Variants in SPAG16 observed in about 807,000 individuals in gnomAD.
SPAG16 encodes sperm-associated antigen 16 protein.
In SPAG16, 86 loss-of-function variants were observed where a neutral mutation model predicts 80.4. The observed-to-expected ratio is 1.07, with a 90% CI of 0.90 to 1.28. The LOEUF (loss-of-function observed/expected upper bound fraction) is 1.28. SPAG16 is among the 50% of genes most tolerant of loss of function. The pLI is 0.00. For missense variants in SPAG16, 870 were observed against 765.3 expected (o/e 1.14, Z -1.61); for synonymous variants, 294 against 265.9 (o/e 1.11, Z -1.03).
intron 15 of SPAG16, among the ~76,000 whole-genome samples, chr2:214,407,115 G>C (rs1004149015): frequency 6.6e-6 from 1 of 151,818 alleles, no homozygotes; most frequent in Non-Finnish European, 1.5e-5. Context: ...ACATTTATCT[G>C]TATTTTAAAA....
intron 10 of SPAG16, among the ~76,000 whole-genome samples, chr2:213,736,070 C>A (rs919956085): frequency 6.6e-6 from 1 of 152,014 alleles, no homozygotes; most frequent in African/African-American, 2.4e-5. Context: ...AAATTTAAAA[C>A]CCATTTGTTT....
chr2:214,153,413 A>T (rs1662964632), intron 15 of SPAG16, among the ~76,000 whole-genome samples: 2 of 152,314 alleles, frequency 1.3e-5, no homozygotes, highest in South Asian at 4.1e-4. Flanking sequence ...ATTGATATTC[A>T]TATATAATCA....
At chr2:213,904,952 G>T (rs1482393994) in intron 11 of SPAG16, among the ~76,000 whole-genome samples, 1 of 152,104 alleles carries the variant, frequency 6.6e-6, no homozygotes. Flanking sequence ...GGAGAGTTTT[G>T]AGCAGACAAG....
chr2:214,179,651 G>A (rs1026786789), intron 15 of SPAG16, among the ~76,000 whole-genome samples: 3 of 151,450 alleles, frequency 2.0e-5, no homozygotes, highest in African/African-American at 7.3e-5. Context: ...CCGATAGACA[G>A]TGCTCTCAAT....
rs1266414429 is a variant in SPAG16, at chr2:213,620,091, T to G, written c.1070+130001T>G. Among the ~76,000 whole-genome samples the G allele has an allele frequency of 4.0e-5, 6 of 151,688 alleles. No homozygotes were observed. In the South Asian group the frequency reaches 6.2e-4, roughly 16 times the overall value. On this transcript the variant is annotated intron_variant, in intron 10 of 15. Transcript: ENST00000331683. Reference sequence around the variant, plus strand: ...AAAATACCACATGTTCTCACTCAGGTGGGAGCTAAAAAAAAAGTGAGCTCT... The same window carrying G: ...AAAATACCACATGTTCTCACTCAGGGGGGAGCTAAAAAAAAAGTGAGCTCT...
chr2:213,296,570 A>G (rs977820593), intron 2 of SPAG16, among the ~76,000 whole-genome samples: 1 of 152,160 alleles, frequency 6.6e-6, no homozygotes, highest in Non-Finnish European at 1.5e-5. Flanking sequence ...CCCGAGACCT[A>G]TCATTACTTC....
intron 7 of SPAG16, 35 bp downstream of exon 7, chr2:213,350,680 T>G: frequency 8.3e-7 from 1 of 1,203,278 alleles, no homozygotes; most frequent in South Asian, 1.5e-5. Flanking sequence ...TAAAATGATC[T>G]TTTAATCATT....
chr2:213,426,678 C>T (rs1014933822), intron 9 of SPAG16, among the ~76,000 whole-genome samples: 10 of 152,004 alleles, frequency 6.6e-5, no homozygotes, highest in Non-Finnish European at 1.0e-4. Flanking sequence ...TTCTCTTCTC[C>T]TATACTACCA....
At chr2:214,074,388 C>T (rs527960963) in intron 13 of SPAG16, among the ~76,000 whole-genome samples, 1 of 152,136 alleles carries the variant, frequency 6.6e-6, no homozygotes, top group South Asian at 2.1e-4. Flanking sequence ...CAAACTTATA[C>T]AATACACAGG....
chr2:213,624,766 G>A (rs1248170426), intron 10 of SPAG16, among the ~76,000 whole-genome samples: 2 of 152,092 alleles, frequency 1.3e-5, no homozygotes, highest in Admixed American at 1.3e-4. Flanking sequence ...CATGATCTTG[G>A]ACAAGATACT....
chr2:214,012,284 A>ATT (rs1483720818), intron 12 of SPAG16, among the ~76,000 whole-genome samples: 636 of 54,526 alleles, frequency 0.012, 23 homozygotes, highest in Non-Finnish European at 0.014. Context: ...ATATATATAT[A>ATT]TATATTTTTT....
At chr2:213,574,394 G>A (rs1207285297) in intron 10 of SPAG16, among the ~76,000 whole-genome samples, 2 of 152,080 alleles carry the variant, frequency 1.3e-5, no homozygotes, top group Non-Finnish European at 2.9e-5. Flanking sequence ...GAGACAAGGA[G>A]CACTCTACAT....
intron 15 of SPAG16, chr2:214,281,284 A>T (rs1692913587): frequency 4.1e-6 from 1 of 241,602 alleles, no homozygotes; most frequent in South Asian, 6.1e-5. Context: ...ATGACAAATG[A>T]TATCTGTTAC....
intron 15 of SPAG16, among the ~76,000 whole-genome samples, chr2:214,314,775 A>C (rs1002961356): frequency 4.5e-5 from 6 of 133,764 alleles, no homozygotes; most frequent in African/African-American, 1.4e-4. Context: ...TATGGAAGAC[A>C]TTCTTGAACA....
At chr2:213,993,282 A>T (rs950852102) in intron 12 of SPAG16, among the ~76,000 whole-genome samples, 1 of 152,242 alleles carries the variant, frequency 6.6e-6, no homozygotes, top group Non-Finnish European at 1.5e-5. Context: ...ACCCATGCTT[A>T]TAACTAGGAA....
At chr2:213,613,281 G>T (rs2125025408) in intron 10 of SPAG16, among the ~76,000 whole-genome samples, 1 of 152,172 alleles carries the variant, frequency 6.6e-6, no homozygotes, top group East Asian at 1.9e-4. Context: ...TGTACTCCTT[G>T]GCTCACAAAA....
chr2:213,403,529 AT>A (rs2068443696), intron 9 of SPAG16, among the ~76,000 whole-genome samples: 1 of 152,190 alleles, frequency 6.6e-6, no homozygotes, highest in African/African-American at 2.4e-5. Flanking sequence ...AAAACTCTCA[AT>A]AAATTAGGTA....
At chr2:213,780,008 T>C (rs2069843591) in intron 10 of SPAG16, among the ~76,000 whole-genome samples, 1 of 152,224 alleles carries the variant, frequency 6.6e-6, no homozygotes, top group East Asian at 1.9e-4. Context: ...TTAAAATAGC[T>C]ACTAGGCATG....
chr2:214,033,355 G>A (rs2048522080), intron 13 of SPAG16, among the ~76,000 whole-genome samples: 1 of 152,138 alleles, frequency 6.6e-6, no homozygotes, highest in African/African-American at 2.4e-5. Flanking sequence ...AGTGTGAAAA[G>A]GGCACTGGGT....
Sources: allele counts gnomAD v4.1 joint callset (sites outside exome capture counted in the v4.1 genomes callset), GRCh38; gene constraint gnomAD v4.1.1; transcripts MANE v1.5; gene names NCBI Gene and HGNC (gene_info 2026-07-23, HGNC 2026-07-21).